The following GRIK3 variants were observed in gnomAD, a reference collection of about 807,000 sequenced individuals.
GRIK3 encodes glutamate receptor ionotropic, kainate 3.
Under a neutral mutation model 102.5 loss-of-function variants are expected in GRIK3, and 29 were observed. The observed-to-expected ratio is 0.28, with a 90% CI of 0.21 to 0.39. The LOEUF is 0.39. GRIK3 is among the 10% of genes least tolerant of loss of function. The pLI is 1.00. For synonymous variants in GRIK3, 511 were observed against 504.9 expected, an observed-to-expected ratio of 1.01 and a Z score of -0.16; for missense variants, 908 against 1,252.4, an observed-to-expected ratio of 0.73 and a Z score of 4.15.
intron 1 of GRIK3, among the ~76,000 whole-genome samples, chr1:36,918,045 G>A (rs1196836441): frequency 6.6e-6 from 1 of 152,248 alleles, no homozygotes; most frequent in African/African-American, 2.4e-5. Flanking sequence ...GAGAAGAGAA[G>A]TAGCTTGAAT....
rs560911356 is a variant in GRIK3 at position 36,943,620 on chromosome 1, G to A, written c.116-52524C>T. 1.4e-4 allele frequency among the ~76,000 whole-genome samples: 21 copies of A among 152,318 alleles called. No individual in the cohort carries two copies. The South Asian group carries it at 3.9e-3, about 29-fold the overall frequency. On this transcript the variant is annotated intron_variant, in intron 1 of 15. Transcript: ENST00000373091. ...TGGAGATAATTATATGTTAAGATCC[G>A]AACCAGAAAACTCCTGACAAAAGTA... is the stretch of plus-strand genomic sequence containing the variant.
At chr1:36,887,071 G>A (rs897489743) in intron 2 of GRIK3, among the ~76,000 whole-genome samples, 13 of 152,150 alleles carry the variant, frequency 8.5e-5, no homozygotes, top group Admixed American at 7.2e-4. Flanking sequence ...ATAGGCACAA[G>A]CTTTAGTAGA....
At chr1:36,804,681 G>T in intron 15 of GRIK3, 1 of 503,788 alleles carries the variant, frequency 2.0e-6, no homozygotes, top group South Asian at 3.8e-5. Context: ...TTTAAACAAG[G>T]TACCAGTTGC....
chr1:36,965,970 C>T (rs1642073518), intron 1 of GRIK3, among the ~76,000 whole-genome samples: 1 of 152,128 alleles, frequency 6.6e-6, no homozygotes, highest in Non-Finnish European at 1.5e-5. Context: ...ATTAATCTGC[C>T]CTTCGAGGGA....
intron 13 of GRIK3, among the ~76,000 whole-genome samples, chr1:36,812,458 G>A (rs911975505): frequency 6.6e-5 from 10 of 152,104 alleles, no homozygotes; most frequent in Non-Finnish European, 1.5e-4. Context: ...CAAAGAACAC[G>A]CTTTCCCAAC....
rs66480824 is a variant in GRIK3 at position 36,968,220 on chromosome 1, CGTGTGTGTGTGTGTGTGTGTGTGTGT to C, written c.115+65748_115+65773del. 1.8e-4 allele frequency among the ~76,000 whole-genome samples: 25 copies of C among 141,156 alleles called. 1 individual carries two copies. The highest frequency in any genetic ancestry group is 2.1e-4 in the African/African-American group (8 of 38,942). 92.6% of individuals were successfully genotyped at this position (141,156 alleles called of 152,430 possible). A position where few individuals can be genotyped will look rare whatever the true frequency, so the allele number is the denominator to read the frequency against. On this transcript the variant is annotated intron_variant, in intron 1 of 15. Transcript: ENST00000373091. ...CTCTCTCTCTTTCACTCTCTCTCTC[CGTGTGTGTGTGTGTGTGTGTGTGTGT>C]GTGTGTGTGTGTGTGTGTGTCTTCT...
At chr1:36,962,574 T>C (rs1212235803) in intron 1 of GRIK3, among the ~76,000 whole-genome samples, 2 of 150,332 alleles carry the variant, frequency 1.3e-5, no homozygotes, top group Non-Finnish European at 3.0e-5. Context: ...CAGTGGGGCC[T>C]GAGGCGAGCA....
rs551972193 is a variant in GRIK3, at chr1:36,872,723, C to T, written c.551-354G>A. Among the ~76,000 whole-genome samples, 2 of 152,366 alleles carry T rather than the reference C, an allele frequency of 1.3e-5. No homozygotes were observed. Among genetic ancestry groups the T allele is most frequent in the South Asian group, 4.1e-4 (2 of 4,828 alleles). The stretch of plus-strand genomic sequence containing the variant: ...AGATAGCAAATTCCCACTGACCACA[C>T]CCATCTGCTTCTCTCTAACCCAGAA... On this transcript the variant is annotated intron_variant, in intron 3 of 15. Transcript: ENST00000373091. The surrounding 1 kb of genome is among the most constrained non-coding windows in gnomAD (Gnocchi z 5.9).
rs1400139131 is a variant in GRIK3, at chr1:36,796,882, G to A, written c.*4969C>T. The A allele has an allele frequency of 1.3e-5, 2 of 152,178 alleles. No individual in the cohort carries two copies. Among genetic ancestry groups the A allele is most frequent in the African/African-American group, 4.8e-5 (2 of 41,432 alleles). 9.4% of individuals were successfully genotyped at this position (152,178 alleles called of 1,614,324 possible). A position where few individuals can be genotyped will look rare whatever the true frequency, so the allele number is the denominator to read the frequency against. ...GCTCTTTCCCAGCCCTTCTGCTCCTGATGAATTGCCCCAGAACTAGAATGT... is the reference window on the plus strand; with the variant it reads ...GCTCTTTCCCAGCCCTTCTGCTCCTAATGAATTGCCCCAGAACTAGAATGT... On this transcript the variant is annotated 3_prime_UTR_variant, in exon 16 of 16. Coordinates refer to ENST00000373091, the MANE Select transcript of GRIK3 (RefSeq NM_000831.4).
chr1:36,973,250 C>T (rs1288978425), intron 1 of GRIK3, among the ~76,000 whole-genome samples: 2 of 152,146 alleles, frequency 1.3e-5, no homozygotes, highest in Non-Finnish European at 2.9e-5. Context: ...ACCCCTCCTC[C>T]CTGCGTTGGC....
intron 10 of GRIK3, among the ~76,000 whole-genome samples, chr1:36,832,089 TGCTCTC>T (rs1256968214): frequency 3.3e-5 from 5 of 152,030 alleles, no homozygotes; most frequent in African/African-American, 1.2e-4. Flanking sequence ...ACTGCTCTAC[TGCTCTC>T]ATCGCACCAG....
At chr1:36,890,021 G>A (rs1335936429) in intron 2 of GRIK3, among the ~76,000 whole-genome samples, 1 of 152,110 alleles carries the variant, frequency 6.6e-6, no homozygotes. Flanking sequence ...AGGCTGCAGG[G>A]CATGCTGGGA....
At chr1:36,882,649 G>T (rs1303972867) in intron 2 of GRIK3, among the ~76,000 whole-genome samples, 1 of 152,154 alleles carries the variant, frequency 6.6e-6, no homozygotes, top group East Asian at 1.9e-4. Context: ...TTGTGGGCCA[G>T]TCAGAGCCAG....
In GRIK3 at chr1:36,962,640, AAGAGAG is replaced by A. The variant is rs5773557; in HGVS notation, c.115+71348_115+71353del. On this transcript the variant is annotated intron_variant, in intron 1 of 15. Transcript: ENST00000373091. ...GAGGAAAGTGAGAGAGAGGGAGAGGAAGAGAGAGAGAGAGAGAGAGAGAGAGAACAG... is the reference window on the plus strand; with the variant it reads ...GAGGAAAGTGAGAGAGAGGGAGAGGAAGAGAGAGAGAGAGAGAGAGAACAG... Among the ~76,000 whole-genome samples, 805 of 145,040 alleles carry A rather than the reference AAGAGAG, an allele frequency of 5.6e-3. 8 individuals are homozygous for A. Among genetic ancestry groups the A allele is most frequent in the African/African-American group, 0.019 (736 of 39,414 alleles).
Position 36,908,161 on chromosome 1 carries a change from A to T in GRIK3, c.116-17065T>A, listed in dbSNP as rs74544588. On this transcript the variant is annotated intron_variant, in intron 1 of 15. Transcript: ENST00000373091. Reference sequence around the variant, plus strand: ...TCCTCTTCCCAACCCTGCCTTATTCATTCCCCTACAGGGTTTTCCTGAAGA... The same window carrying T: ...TCCTCTTCCCAACCCTGCCTTATTCTTTCCCCTACAGGGTTTTCCTGAAGA... Among the ~76,000 whole-genome samples the T allele has an allele frequency of 7.4e-4, 112 of 152,240 alleles. 2 individuals carry two copies. In the South Asian group the frequency reaches 8.9e-3, roughly 12 times the overall value.
At chr1:36,944,678 C>G (rs933123617) in intron 1 of GRIK3, among the ~76,000 whole-genome samples, 23 of 152,274 alleles carry the variant, frequency 1.5e-4, no homozygotes, top group South Asian at 4.1e-4. Context: ...CACCGCACCC[C>G]CTTCCCTGTG....
At chr1:36,804,628 C>A in intron 15 of GRIK3, 1 of 428,784 alleles carries the variant, frequency 2.3e-6, no homozygotes, top group Non-Finnish European at 4.1e-6. Flanking sequence ...AACAATTACC[C>A]TGGAGGGTTT....
At chr1:37,025,111 CAT>C (rs1642753607) in intron 1 of GRIK3, among the ~76,000 whole-genome samples, 2 of 152,296 alleles carry the variant, frequency 1.3e-5, no homozygotes, top group East Asian at 3.9e-4. Flanking sequence ...CAGGGAGACA[CAT>C]GTTAGCTTTT....
chr1:36,960,993 C>T (rs1353016115), intron 1 of GRIK3, among the ~76,000 whole-genome samples: 2 of 152,232 alleles, frequency 1.3e-5, no homozygotes, highest in Middle Eastern at 3.2e-3. Flanking sequence ...TGGGGTGGGT[C>T]AGTGGTCATT....
Sources: allele counts gnomAD v4.1 joint callset (sites outside exome capture counted in the v4.1 genomes callset), GRCh38; gene constraint gnomAD v4.1.1; non-coding constraint Gnocchi (gnomAD v3.1); transcripts MANE v1.5; gene names NCBI Gene and HGNC (gene_info 2026-07-23, HGNC 2026-07-21).